Variants in AK9 observed in about 807,000 individuals in gnomAD.
AK9 encodes adenylate kinase 9.
Under a neutral mutation model 239.6 loss-of-function variants are expected in AK9, and 191 were observed. That is an observed-to-expected ratio of 0.80 (90% CI 0.71 to 0.90). The LOEUF is 0.90. AK9 is among the 40% of genes least tolerant of loss of function. The probability of loss-of-function intolerance (pLI) is 0.00; values close to 1 mark genes in which losing one functional copy is unlikely to be tolerated. For missense variants in AK9, 1,995 were observed against 2,214.7 expected, an observed-to-expected ratio of 0.90 and a Z score of 1.99; for synonymous variants, 689 against 721.0, an observed-to-expected ratio of 0.96 and a Z score of 0.71.
intron 1 of AK9, chr6:109,690,513 A>G (rs1369045677): frequency 6.6e-6 from 1 of 152,178 alleles, no homozygotes; most frequent in Non-Finnish European, 1.5e-5. Context: ...AACTGCCTCC[A>G]GGGACTCCGC....
chr6:109,581,817 T>C (rs1583105293), intron 19 of AK9, among the ~76,000 whole-genome samples: 1 of 152,200 alleles, frequency 6.6e-6, no homozygotes, highest in Non-Finnish European at 1.5e-5. Context: ...TGGAAGAAGA[T>C]GCCATCTAGG....
chr6:109,673,526 A>G (rs1423175867), intron 3 of AK9, among the ~76,000 whole-genome samples: 14 of 152,004 alleles, frequency 9.2e-5, no homozygotes, highest in Admixed American at 9.2e-4. Flanking sequence ...TAATTAAAAG[A>G]ATATTTATAT....
In AK9 at chr6:109,509,176, T is replaced by C; in HGVS notation, c.4481+3A>G. 6.4e-7 allele frequency: 1 copy of C among 1,551,634 alleles called. No individual in the cohort carries two copies. The highest frequency in any genetic ancestry group is 8.7e-7 in the Non-Finnish European group (1 of 1,146,666). On this transcript the variant is annotated splice_donor_region_variant and intron_variant, in intron 33 of 40. Coordinates refer to ENST00000424296, the MANE Select transcript of AK9 (RefSeq NM_001145128.3). ...GTCCCATCCTCTCACCCCATTCACT[T>C]ACCCTGCAGTATTGCACACACTTTC... is the stretch of plus-strand genomic sequence containing the variant.
chr6:109,674,587 T>C (rs1771430946), intron 2 of AK9, among the ~76,000 whole-genome samples: 2 of 152,228 alleles, frequency 1.3e-5, no homozygotes, highest in South Asian at 4.1e-4. Context: ...TGTGATTATA[T>C]TGGAGAGTCA....
At chr6:109,582,788 C>G (rs1270683810) in intron 19 of AK9, among the ~76,000 whole-genome samples, 1 of 152,084 alleles carries the variant, frequency 6.6e-6, no homozygotes, top group Non-Finnish European at 1.5e-5. Flanking sequence ...TTACATACTA[C>G]AGAAAAATAT....
intron 17 of AK9, among the ~76,000 whole-genome samples, chr6:109,604,433 C>T (rs1015208516): frequency 6.6e-6 from 1 of 152,102 alleles, no homozygotes; most frequent in Non-Finnish European, 1.5e-5. Flanking sequence ...AAGTGAGAAT[C>T]TAAATAGTTT....
At chr6:109,527,178 A>C (rs758198847) in intron 29 of AK9, among the ~76,000 whole-genome samples, 1 of 152,170 alleles carries the variant, frequency 6.6e-6, no homozygotes, top group Non-Finnish European at 1.5e-5. Context: ...TCACATTCTG[A>C]GACTACAGGT....
At chr6:109,495,860 C>G (rs546948245) in intron 38 of AK9, among the ~76,000 whole-genome samples, 1 of 151,866 alleles carries the variant, frequency 6.6e-6, no homozygotes, top group Non-Finnish European at 1.5e-5. Context: ...TTGGTCCCAC[C>G]GCTCCCTCTC....
intron 17 of AK9, among the ~76,000 whole-genome samples, chr6:109,597,202 T>C (rs1368990452): frequency 2.0e-5 from 3 of 152,182 alleles, no homozygotes; most frequent in African/African-American, 4.8e-5. Context: ...TCATACACAT[T>C]GCCACATTGC....
At chr6:109,631,809 C>T (rs1796111085) in intron 12 of AK9, 1 of 152,162 alleles carries the variant, frequency 6.6e-6, no homozygotes. Flanking sequence ...GAATAAACTA[C>T]AGCTACATTC....
intron 20 of AK9, among the ~76,000 whole-genome samples, chr6:109,577,343 T>G (rs1222121537): frequency 5.3e-5 from 8 of 152,252 alleles, no homozygotes; most frequent in Admixed American, 5.2e-4. Context: ...TGAAACCCAT[T>G]TGATCATGGT....
rs556526966 is a variant in AK9, at chr6:109,601,674, T to C, written c.1842+8691A>G. ...TCGTTGATCTGTCTAATGTTGATAGTGGGGTGTTAAAGTCTCTCATTATTA... is the reference window on the plus strand; with the variant it reads ...TCGTTGATCTGTCTAATGTTGATAGCGGGGTGTTAAAGTCTCTCATTATTA... On this transcript the variant is annotated intron_variant, in intron 17 of 40. Coordinates refer to ENST00000424296, the MANE Select transcript of AK9 (RefSeq NM_001145128.3). Among the ~76,000 whole-genome samples the C allele has an allele frequency of 8.5e-5, 13 of 152,280 alleles. No homozygotes were observed. In the South Asian group the frequency reaches 2.5e-3, roughly 29 times the overall value.
chr6:109,493,693 C>A, intron 40 of AK9, 122 bp from the exon 41 acceptor site: 1 of 892,488 alleles, frequency 1.1e-6, no homozygotes, highest in East Asian at 2.6e-5. Context: ...ATCCAAATCC[C>A]AAATAAAATC....
At chr6:109,581,800 C>T (rs2208209) in intron 19 of AK9, among the ~76,000 whole-genome samples, 45,041 of 152,090 alleles carry the variant, frequency 0.3, 7,133 homozygotes, top group Middle Eastern at 0.4. Flanking sequence ...ACAAAACAGG[C>T]TTCTATTGGA....
At chr6:109,532,355 G>A (rs1026322437) in intron 28 of AK9, among the ~76,000 whole-genome samples, 3 of 152,094 alleles carry the variant, frequency 2.0e-5, no homozygotes, top group Non-Finnish European at 4.4e-5. Context: ...GCTCTCTTCG[G>A]TATGAAAGCC....
intron 5 of AK9, among the ~76,000 whole-genome samples, chr6:109,662,964 T>C (rs561518048): frequency 1.2e-4 from 19 of 152,096 alleles, no homozygotes; most frequent in Non-Finnish European, 2.5e-4. Flanking sequence ...CTAGTAATTA[T>C]TTTAACTCAT....
At chr6:109,625,871 T>C (rs1327490667) in intron 12 of AK9, among the ~76,000 whole-genome samples, 2 of 152,132 alleles carry the variant, frequency 1.3e-5, no homozygotes, top group Non-Finnish European at 2.9e-5. Flanking sequence ...TTTTTGGTTT[T>C]TGCTTGGTTT....
intron 33 of AK9, among the ~76,000 whole-genome samples, chr6:109,507,833 TG>T (rs1278049374): frequency 6.6e-6 from 1 of 152,238 alleles, no homozygotes; most frequent in African/African-American, 2.4e-5. Flanking sequence ...TAGGAGTATG[TG>T]CCTGTAACAA....
chr6:109,547,846 CA>C (rs55899214), intron 25 of AK9, among the ~76,000 whole-genome samples: 2,748 of 121,732 alleles, frequency 0.023, 67 homozygotes, highest in African/African-American at 0.087. Flanking sequence ...AGCTCAGTAG[CA>C]AAAAAAAAAA....
Sources: allele counts gnomAD v4.1 joint callset (sites outside exome capture counted in the v4.1 genomes callset), GRCh38; gene constraint gnomAD v4.1.1; transcripts MANE v1.5; gene names NCBI Gene and HGNC (gene_info 2026-07-23, HGNC 2026-07-21).